The following TRAPPC9 variants were observed in gnomAD, a reference collection of about 807,000 sequenced individuals.
TRAPPC9 encodes the protein IKK2 binding protein.
Under a neutral mutation model 124.0 loss-of-function variants are expected in TRAPPC9, and 83 were observed. The observed-to-expected ratio is 0.67, with a 90% CI of 0.56 to 0.80. The LOEUF (loss-of-function observed/expected upper bound fraction) is 0.80. TRAPPC9 is among the 30% of genes least tolerant of loss of function. The pLI is 0.00. For missense variants in TRAPPC9, 1,302 were observed against 1,508.3 expected (o/e 0.86, Z 2.27); for synonymous variants, 638 against 617.5 (o/e 1.03, Z -0.49).
At chr8:140,249,140 C>T (rs1042104930) in intron 16 of TRAPPC9, among the ~76,000 whole-genome samples, 14 of 151,460 alleles carry the variant, frequency 9.2e-5, no homozygotes, top group Admixed American at 3.3e-4. Flanking sequence ...GGACAGTGAG[C>T]GTGCTGCCCA....
At position 139,833,649 on chromosome 8, in the gene TRAPPC9, G is replaced by A. The variant is rs957204317; in HGVS notation, c.3055+52230C>T. On this transcript the variant is annotated intron_variant, in intron 21 of 22. Coordinates refer to ENST00000438773, the MANE Select transcript of TRAPPC9 (RefSeq NM_001160372.4). Reference sequence around the variant, plus strand: ...GGCACTGTGCTGCCCCTTCCCAGACGTGGCCTTCCCAGCAGAACAGGCAGG... The same window carrying A: ...GGCACTGTGCTGCCCCTTCCCAGACATGGCCTTCCCAGCAGAACAGGCAGG... 1.3e-4 allele frequency among the ~76,000 whole-genome samples: 20 copies of A among 152,234 alleles called. 1 individual carries two copies. The highest frequency in any genetic ancestry group is 9.2e-4 in the Admixed American group (14 of 15,290).
intron 5 of TRAPPC9, among the ~76,000 whole-genome samples, chr8:140,418,937 A>G (rs2070054961): frequency 6.6e-6 from 1 of 152,236 alleles, no homozygotes; most frequent in African/African-American, 2.4e-5. Flanking sequence ...AAACCACATG[A>G]TCATCTCAAC....
At chr8:139,814,626 A>T (rs186145239) in intron 21 of TRAPPC9, among the ~76,000 whole-genome samples, 60 of 152,306 alleles carry the variant, frequency 3.9e-4, no homozygotes, top group Admixed American at 1.8e-3. Flanking sequence ...CCAGTTGTAC[A>T]GCCAATAAGT....
chr8:139,757,877 A>G (rs552241090), intron 21 of TRAPPC9, among the ~76,000 whole-genome samples: 42 of 152,152 alleles, frequency 2.8e-4, no homozygotes, highest in Non-Finnish European at 4.9e-4. Flanking sequence ...ACCCACGGCA[A>G]GGACGCTTTC....
rs551011848 is a variant in TRAPPC9, at chr8:139,844,125, CAG to C, written c.3055+41752_3055+41753del. 2.1e-3 allele frequency among the ~76,000 whole-genome samples: 316 copies of C among 152,334 alleles called. 2 individuals carry two copies. Among genetic ancestry groups the C allele is most frequent in the African/African-American group, 7.2e-3 (299 of 41,566 alleles). The stretch of plus-strand genomic sequence containing the variant: ...CGAGCAGGTGACTATGCTCACCCGC[CAG>C]AGTCATAGAGTGGCTTTCATCAAGG... On this transcript the variant is annotated intron_variant, in intron 21 of 22. Coordinates refer to ENST00000438773, the MANE Select transcript of TRAPPC9 (RefSeq NM_001160372.4).
At chr8:139,939,067 T>A (rs1414712907) in intron 19 of TRAPPC9, among the ~76,000 whole-genome samples, 1 of 152,184 alleles carries the variant, frequency 6.6e-6, no homozygotes, top group African/African-American at 2.4e-5. Context: ...CCCACTGTTC[T>A]CCAGGCGACA....
chr8:140,372,852 T>C (rs999812385), intron 7 of TRAPPC9, among the ~76,000 whole-genome samples: 6 of 152,178 alleles, frequency 3.9e-5, no homozygotes, highest in African/African-American at 1.4e-4. Flanking sequence ...ATTTCTATTG[T>C]TTATCAGCCA....
intron 19 of TRAPPC9, among the ~76,000 whole-genome samples, chr8:139,944,050 A>C (rs1834067916): frequency 6.6e-6 from 1 of 152,228 alleles, no homozygotes; most frequent in Non-Finnish European, 1.5e-5. Flanking sequence ...TAAATGTATA[A>C]TCTTAAGAAC....
intron 21 of TRAPPC9, among the ~76,000 whole-genome samples, chr8:139,808,083 G>C (rs1242082610): frequency 6.6e-6 from 1 of 152,220 alleles, no homozygotes; most frequent in Non-Finnish European, 1.5e-5. Flanking sequence ...ACAGAGGAGT[G>C]CAAGTGGGTG....
intron 17 of TRAPPC9, among the ~76,000 whole-genome samples, chr8:140,080,787 T>G (rs1843770235): frequency 6.6e-6 from 1 of 152,180 alleles, no homozygotes. Flanking sequence ...CCTAAAAACA[T>G]GAATTCTAGT....
In TRAPPC9 at chr8:139,729,714, A is replaced by C. The variant is rs1563766578; in HGVS notation, c.*1347T>G. On this transcript the variant is annotated 3_prime_UTR_variant, in exon 23 of 23. Coordinates refer to ENST00000438773, the MANE Select transcript of TRAPPC9 (RefSeq NM_001160372.4). Reference sequence around the variant, plus strand: ...TTTGGGCCTGGGACTTCAGGTCCTCAGGAAGTTCCCTCAGCCCCGCAGGCC... The same window carrying C: ...TTTGGGCCTGGGACTTCAGGTCCTCCGGAAGTTCCCTCAGCCCCGCAGGCC... Among the ~76,000 whole-genome samples, 1 of 152,210 alleles carries C rather than the reference A, an allele frequency of 6.6e-6. No individual in the cohort carries two copies. The highest frequency in any genetic ancestry group is 2.4e-5 in the African/African-American group (1 of 41,464).
At chr8:140,188,588 C>T (rs1007064369) in intron 17 of TRAPPC9, among the ~76,000 whole-genome samples, 2 of 152,156 alleles carry the variant, frequency 1.3e-5, no homozygotes, top group African/African-American at 2.4e-5. Context: ...ACAGATCTCC[C>T]GACCACACTG....
intron 17 of TRAPPC9, among the ~76,000 whole-genome samples, chr8:140,042,635 C>A (rs1461832769): frequency 6.6e-6 from 1 of 152,186 alleles, no homozygotes; most frequent in Non-Finnish European, 1.5e-5. Context: ...TCTCCACGGC[C>A]CTGTGGAGTG....
chr8:140,038,223 C>T (rs761006842), intron 17 of TRAPPC9, among the ~76,000 whole-genome samples: 21 of 152,118 alleles, frequency 1.4e-4, no homozygotes, highest in South Asian at 4.1e-4. Context: ...AGCTGATTCG[C>T]CGCAGTGCCT....
intron 19 of TRAPPC9, among the ~76,000 whole-genome samples, chr8:139,974,239 C>T (rs1032915063): frequency 6.6e-6 from 1 of 152,180 alleles, no homozygotes; most frequent in African/African-American, 2.4e-5. Flanking sequence ...AAACTGTGCG[C>T]TTCTAGGAGA....
rs557510550 is a variant in TRAPPC9, at chr8:139,753,341, ACCAT to A, written c.3056-21143_3056-21140del. Among the ~76,000 whole-genome samples the A allele has an allele frequency of 3.4e-5, 5 of 149,006 alleles. No individual in the cohort carries two copies. The East Asian group carries it at 1.0e-3, about 30-fold the overall frequency. ...CCACCATCCACCCATCCACCCATCT[ACCAT>A]CCATCCATCCATTCATCCATCAACA... On this transcript the variant is annotated intron_variant, in intron 21 of 22. Coordinates refer to ENST00000438773, the MANE Select transcript of TRAPPC9 (RefSeq NM_001160372.4).
intron 9 of TRAPPC9, among the ~76,000 whole-genome samples, chr8:140,321,663 G>C (rs2066598946): frequency 6.6e-6 from 1 of 152,182 alleles, no homozygotes; most frequent in South Asian, 2.1e-4. Context: ...GCTGAACTTG[G>C]AAGACACTTT....
At chr8:140,054,810 C>G (rs1008511982) in intron 17 of TRAPPC9, among the ~76,000 whole-genome samples, 3 of 151,198 alleles carry the variant, frequency 2.0e-5, no homozygotes, top group Admixed American at 6.6e-5. Context: ...ATGGCTACAT[C>G]GTAAAAAAAA....
intron 21 of TRAPPC9, among the ~76,000 whole-genome samples, chr8:139,821,454 TAAG>T (rs1186585485): frequency 6.6e-6 from 1 of 152,180 alleles, no homozygotes; most frequent in Non-Finnish European, 1.5e-5. Flanking sequence ...CAGAGGAATC[TAAG>T]AATAGCAGGA....
Sources: gnomAD v4.1 joint callset for allele counts (sites outside exome capture counted in the v4.1 genomes callset) on GRCh38, gnomAD v4.1.1 for gene constraint, MANE v1.5 for transcripts, NCBI Gene and HGNC (gene_info 2026-07-23, HGNC 2026-07-21) for gene names.